Variants in TENM2 observed in about 807,000 individuals in gnomAD.
TENM2 encodes the protein teneurin-2.
TENM2 carries 52 observed loss-of-function variants against 245.2 expected under a neutral mutation model. The ratio of observed to expected loss-of-function variants is 0.21; its 90% CI spans 0.17 to 0.27. The LOEUF (loss-of-function observed/expected upper bound fraction) is 0.27. TENM2 is among the 10% of genes least tolerant of loss of function. The pLI is 1.00. For synonymous variants in TENM2, 1,363 were observed against 1,438.9 expected, an observed-to-expected ratio of 0.95 and a Z score of 1.19; for missense variants, 3,046 against 3,666.8, an observed-to-expected ratio of 0.83 and a Z score of 4.37.
rs534114306 is a variant in TENM2 at position 167,665,240 on chromosome 5, T to TA, written c.503-210742dup. On this transcript the variant is annotated intron_variant, in intron 2 of 28. Transcript: ENST00000518659. ...GGAAAAATGAATACAATAATATACATAAAATTACTTAGCACAAGGCTTGGC... is the reference window on the plus strand; with the variant it reads ...GGAAAAATGAATACAATAATATACATAAAAATTACTTAGCACAAGGCTTGGC... Among the ~76,000 whole-genome samples the TA allele has an allele frequency of 3.9e-5, 6 of 152,242 alleles. No homozygotes were observed. In the South Asian group the frequency reaches 1.2e-3, roughly 32 times the overall value.
chr5:167,385,854 A>G (rs1284499372), intron 2 of TENM2, among the ~76,000 whole-genome samples: 2 of 130,100 alleles, frequency 1.5e-5, no homozygotes, highest in Non-Finnish European at 3.2e-5. Context: ...CATTATATAT[A>G]TATGTGTGTG....
chr5:167,117,140 A>G, the TENM2 span, among the ~76,000 whole-genome samples: 2 of 152,224 alleles, frequency 1.3e-5, no homozygotes, highest in Non-Finnish European at 2.9e-5. Flanking sequence ...GAAGACTCTC[A>G]ATAAATATCT....
intron 2 of TENM2, among the ~76,000 whole-genome samples, chr5:167,455,109 TCTGTTCTTC>T (rs2127482186): frequency 6.6e-6 from 1 of 152,382 alleles, no homozygotes; most frequent in African/African-American, 2.4e-5. Flanking sequence ...TTCAAATTTA[TCTGTTCTTC>T]CTGTCTTCAT....
At chr5:167,386,803 T>C (rs1317815154) in intron 2 of TENM2, among the ~76,000 whole-genome samples, 1 of 152,170 alleles carries the variant, frequency 6.6e-6, no homozygotes, top group Non-Finnish European at 1.5e-5. Context: ...GTTTGCATTG[T>C]TGAAGATCAG....
rs569830931 is a variant in TENM2 at position 167,611,229 on chromosome 5, C to A, written c.502+235756C>A. On this transcript the variant is annotated intron_variant, in intron 2 of 28. Transcript: ENST00000518659. ...AGATCAGACTAGCATTTGACATTAT[C>A]AATATCTCTACTTTTTTTTCTTTAA... Among the ~76,000 whole-genome samples the A allele has an allele frequency of 1.2e-4, 19 of 152,258 alleles. 1 individual carries two copies. Among genetic ancestry groups the A allele is most frequent in the African/African-American group, 4.6e-4 (19 of 41,560 alleles).
At chr5:167,229,725 G>A in the TENM2 span, among the ~76,000 whole-genome samples, 1 of 152,186 alleles carries the variant, frequency 6.6e-6, no homozygotes. Flanking sequence ...AGCCAGGCCA[G>A]ACTGAGCTTG....
At chr5:167,199,696 T>A in the TENM2 span, among the ~76,000 whole-genome samples, 1 of 152,086 alleles carries the variant, frequency 6.6e-6, no homozygotes, top group Non-Finnish European at 1.5e-5. Flanking sequence ...AATAAGCTCA[T>A]CGGGAGGTAG....
chr5:167,204,150 G>T, the TENM2 span, among the ~76,000 whole-genome samples: 4 of 137,276 alleles, frequency 2.9e-5, no homozygotes, highest in Non-Finnish European at 6.8e-5. Flanking sequence ...TTATTACAAG[G>T]CCTTAGAAGG....
chr5:168,106,239 G>A (rs1729195967), intron 9 of TENM2, among the ~76,000 whole-genome samples: 1 of 152,158 alleles, frequency 6.6e-6, no homozygotes, highest in African/African-American at 2.4e-5. Flanking sequence ...CTTCTGTGGA[G>A]CTTTAAAAAA....
intron 2 of TENM2, among the ~76,000 whole-genome samples, chr5:167,725,636 A>G (rs1170507123): frequency 6.6e-6 from 1 of 152,140 alleles, no homozygotes; most frequent in Non-Finnish European, 1.5e-5. Context: ...ATCTTTTTAA[A>G]TGCAAATTGG....
chr5:167,886,395 G>A (rs1450882844), intron 3 of TENM2, among the ~76,000 whole-genome samples: 1 of 152,204 alleles, frequency 6.6e-6, no homozygotes, highest in East Asian at 1.9e-4. Flanking sequence ...CCACAGTAAT[G>A]TAAACATTGA....
At chr5:167,814,041 C>T (rs986883677) in intron 2 of TENM2, among the ~76,000 whole-genome samples, 2 of 152,072 alleles carry the variant, frequency 1.3e-5, no homozygotes, top group African/African-American at 2.4e-5. Flanking sequence ...TGAAGAAAGC[C>T]CCATACCTGT....
intron 24 of TENM2, among the ~76,000 whole-genome samples, chr5:168,227,455 A>G (rs1221672680): frequency 6.6e-6 from 1 of 151,844 alleles, no homozygotes; most frequent in Non-Finnish European, 1.5e-5. Flanking sequence ...GCCTGTGGCT[A>G]GACCAGCAAC....
At chr5:168,241,329 C>T (rs766789971) in intron 25 of TENM2, among the ~76,000 whole-genome samples, 10 of 151,732 alleles carry the variant, frequency 6.6e-5, no homozygotes, top group Non-Finnish European at 1.0e-4. Context: ...GATCTTGGCT[C>T]ACTGCAACCT....
chr5:167,546,998 A>G (rs992249074), intron 2 of TENM2, among the ~76,000 whole-genome samples: 2 of 152,188 alleles, frequency 1.3e-5, no homozygotes, highest in African/African-American at 4.8e-5. Flanking sequence ...CTAACATGTC[A>G]GCCCAAAGCA....
chr5:167,760,183 T>A (rs1762571950), intron 2 of TENM2, among the ~76,000 whole-genome samples: 1 of 152,182 alleles, frequency 6.6e-6, no homozygotes, highest in African/African-American at 2.4e-5. Context: ...GCTTTGCTCC[T>A]GGTCTTCCTA....
chr5:166,994,401 G>C, the TENM2 span, among the ~76,000 whole-genome samples: 1 of 152,106 alleles, frequency 6.6e-6, no homozygotes. Flanking sequence ...CAGTTTCCCT[G>C]ATTCTCATTT....
intron 3 of TENM2, among the ~76,000 whole-genome samples, chr5:167,918,376 C>T (rs762989740): frequency 6.6e-6 from 1 of 152,160 alleles, no homozygotes; most frequent in Admixed American, 6.5e-5. Context: ...ACTTGAAGCC[C>T]ATCAGGAATG....
At chr5:168,077,053 C>T (rs186362773) in intron 7 of TENM2, among the ~76,000 whole-genome samples, 29 of 152,296 alleles carry the variant, frequency 1.9e-4, no homozygotes, top group African/African-American at 6.7e-4. Flanking sequence ...TGTAACCTCT[C>T]TGTGTCTCAG....
Sources: allele counts gnomAD v4.1 joint callset (sites outside exome capture counted in the v4.1 genomes callset), GRCh38; gene constraint gnomAD v4.1.1; transcripts MANE v1.5; gene names NCBI Gene and HGNC (gene_info 2026-07-23, HGNC 2026-07-21).